Variants in KCNG3 observed in about 807,000 individuals in gnomAD.
KCNG3 encodes the protein potassium voltage-gated channel modifier subfamily G member 3.
Under a neutral mutation model 29.0 loss-of-function variants are expected in KCNG3, and 15 were observed. The ratio of observed to expected loss-of-function variants is 0.52; its 90% CI spans 0.35 to 0.80. KCNG3 has a LOEUF of 0.80. KCNG3 is among the 30% of genes least tolerant of loss of function. The pLI, the probability that KCNG3 is intolerant of heterozygous loss-of-function variation, is 0.01. For missense variants in KCNG3, 512 were observed against 605.7 expected (o/e 0.85, Z 1.62); for synonymous variants, 322 against 248.9 (o/e 1.29, Z -2.76).
the KCNG3 span, among the ~76,000 whole-genome samples, chr2:42,420,686 G>A: frequency 6.6e-6 from 1 of 152,136 alleles, no homozygotes; most frequent in Non-Finnish European, 1.5e-5. Context: ...CTACTCGGGA[G>A]GCTGAGGCAG....
chr2:42,412,126 T>C, the KCNG3 span, among the ~76,000 whole-genome samples: 8 of 152,190 alleles, frequency 5.3e-5, no homozygotes, highest in African/African-American at 1.7e-4. Flanking sequence ...CATGAGAAGA[T>C]TGTGGTGGCA....
the KCNG3 span, among the ~76,000 whole-genome samples, chr2:42,405,007 G>T: frequency 6.6e-6 from 1 of 152,168 alleles, no homozygotes; most frequent in Non-Finnish European, 1.5e-5. Flanking sequence ...TTAGAATTAT[G>T]GCCATTGCTT....
the KCNG3 span, among the ~76,000 whole-genome samples, chr2:42,431,313 T>C: frequency 2.0e-5 from 3 of 152,016 alleles, no homozygotes; most frequent in Non-Finnish European, 4.4e-5. Context: ...TTGAAAGCTT[T>C]TTTTTTTCCC....
the KCNG3 span, among the ~76,000 whole-genome samples, chr2:42,412,726 T>C: frequency 6.6e-6 from 1 of 152,150 alleles, no homozygotes; most frequent in Non-Finnish European, 1.5e-5. Flanking sequence ...ACACCAACTT[T>C]CCTTATACTA....
chr2:42,393,627 GTTAGAC>G, the KCNG3 span, among the ~76,000 whole-genome samples: 5 of 152,188 alleles, frequency 3.3e-5, no homozygotes, highest in African/African-American at 1.2e-4. Context: ...TCATAGTACT[GTTAGAC>G]TTAGACTCCT....
intron 1 of KCNG3, among the ~76,000 whole-genome samples, chr2:42,485,345 G>A (rs1673694873): frequency 6.6e-6 from 1 of 152,048 alleles, no homozygotes; most frequent in Non-Finnish European, 1.5e-5. Context: ...ATTGACTAAG[G>A]GGACAAAGTC....
At chr2:42,431,251 T>C in the KCNG3 span, among the ~76,000 whole-genome samples, 64 of 152,284 alleles carry the variant, frequency 4.2e-4, no homozygotes, top group African/African-American at 1.4e-3. Flanking sequence ...ATAGCTGTTA[T>C]GAATAGTACT....
chr2:42,432,166 C>G, the KCNG3 span, among the ~76,000 whole-genome samples: 1 of 152,176 alleles, frequency 6.6e-6, no homozygotes, highest in Non-Finnish European at 1.5e-5. Context: ...TCTGTATACC[C>G]CACAGTGCCC....
rs925213825 is a variant in KCNG3 at position 42,444,901 on chromosome 2, A to C, written c.666-322T>G. On this transcript the variant is annotated intron_variant, in intron 1 of 1. Coordinates refer to ENST00000306078, the MANE Select transcript of KCNG3 (RefSeq NM_133329.6). This position sits in a 1 kb window ranked among gnomAD's most constrained non-coding sequence, Gnocchi z 5.8. ...CCACAGCAAAACCCCGTCTCCACAA[A>C]AAAAAAATACAAAAATCAGCTGGGC... is the stretch of plus-strand genomic sequence containing the variant. 1.3e-4 allele frequency among the ~76,000 whole-genome samples: 20 copies of C among 151,398 alleles called. No homozygotes were observed. The highest frequency in any genetic ancestry group is 4.8e-4 in the African/African-American group (20 of 41,288).
At chr2:42,439,834 G>T (rs998396140), downstream of KCNG3, among the ~76,000 whole-genome samples, 2 of 150,744 alleles carry the variant, frequency 1.3e-5, no homozygotes, top group Non-Finnish European at 3.0e-5. Flanking sequence ...GTAGAGATGG[G>T]TTTTCACCAT....
chr2:42,450,606 G>C (rs879754466), intron 1 of KCNG3, among the ~76,000 whole-genome samples: 1 of 152,202 alleles, frequency 6.6e-6, no homozygotes, highest in African/African-American at 2.4e-5. Context: ...ACATATAGAT[G>C]TTCATGAATG....
rs1673989261 is a variant in KCNG3 at position 42,493,739 on chromosome 2, C to A, written c.-238G>T. On this transcript the variant is annotated 5_prime_UTR_variant, in exon 1 of 2. Coordinates refer to ENST00000306078, the MANE Select transcript of KCNG3 (RefSeq NM_133329.6). The stretch of plus-strand genomic sequence containing the variant: ...TACCTGCGGGTGGCCGGGGAGTCCT[C>A]GCCGGCGCCAGCGCTGAGCCCCACC... 3 of 334,384 alleles carry A rather than the reference C, an allele frequency of 9.0e-6. No homozygotes were observed. The highest frequency in any genetic ancestry group is 1.5e-4 in the South Asian group (1 of 6,526). The allele number at this position is 334,384 out of a possible 1,614,324, so 20.7% of individuals were successfully genotyped here.
the KCNG3 span, among the ~76,000 whole-genome samples, chr2:42,428,333 C>T: frequency 4.0e-5 from 6 of 151,408 alleles, no homozygotes; most frequent in South Asian, 4.2e-4. Flanking sequence ...TAGTGGTGCA[C>T]GCCTATTATC....
the KCNG3 span, among the ~76,000 whole-genome samples, chr2:42,409,147 TCCAGGCTGGCAGCAAGAA>T: frequency 6.6e-6 from 1 of 151,980 alleles, no homozygotes; most frequent in Non-Finnish European, 1.5e-5. Flanking sequence ...TGGTGTGGGA[TCCAGGCTGGCAGCAAGAA>T]CCAAATGCAG....
downstream of KCNG3, among the ~76,000 whole-genome samples, chr2:42,439,927 G>C (rs138298610): frequency 1.7e-3 from 253 of 152,302 alleles, no homozygotes; most frequent in African/African-American, 6.0e-3. Context: ...ACAGGCGTGA[G>C]TCACCATGCC....
Position 42,453,854 on chromosome 2 carries a change from T to C in KCNG3, c.666-9275A>G, listed in dbSNP as rs1033206873. On this transcript the variant is annotated intron_variant, in intron 1 of 1. Coordinates refer to ENST00000306078, the MANE Select transcript of KCNG3 (RefSeq NM_133329.6). ...TTCATAGTTTGAGGTCTTAGATTTA[T>C]GTCATTAATCCAGTTTGATTTGATT... 5.3e-5 allele frequency among the ~76,000 whole-genome samples: 8 copies of C among 152,312 alleles called. No individual in the cohort carries two copies. In the South Asian group the frequency reaches 1.2e-3, roughly 24 times the overall value.
the KCNG3 span, among the ~76,000 whole-genome samples, chr2:42,400,040 T>A: frequency 2.6e-5 from 4 of 152,044 alleles, no homozygotes; most frequent in Non-Finnish European, 5.9e-5. Flanking sequence ...GCCTGGAAGG[T>A]CGCGGCTGCA....
At chr2:42,406,259 G>C in the KCNG3 span, among the ~76,000 whole-genome samples, 6 of 150,720 alleles carry the variant, frequency 4.0e-5, no homozygotes, top group Non-Finnish European at 1.5e-5. Flanking sequence ...CACTCTTGTT[G>C]CCCAGTCTGG....
chr2:42,388,904 A>G, the KCNG3 span, among the ~76,000 whole-genome samples: 2 of 151,872 alleles, frequency 1.3e-5, no homozygotes, highest in Non-Finnish European at 2.9e-5. Flanking sequence ...TATGTAGATT[A>G]CTTTGTTTTG....
Sources: gnomAD v4.1 joint callset for allele counts (sites outside exome capture counted in the v4.1 genomes callset) on GRCh38, gnomAD v4.1.1 for gene constraint, Gnocchi (gnomAD v3.1) non-coding constraint, MANE v1.5 for transcripts, NCBI Gene and HGNC (gene_info 2026-07-23, HGNC 2026-07-21) for gene names.